The following MSR1 variants were observed in gnomAD, a reference collection of about 807,000 sequenced individuals.
MSR1 encodes macrophage scavenger receptor types I and II.
A neutral mutation model predicts 47.2 loss-of-function variants in MSR1; 53 were observed. The ratio of observed to expected loss-of-function variants is 1.12; its 90% CI spans 0.90 to 1.41. The LOEUF is 1.41. MSR1 is among the 40% of genes most tolerant of loss of function. The pLI is 0.00. For synonymous variants in MSR1, 239 were observed against 185.6 expected, an observed-to-expected ratio of 1.29 and a Z score of -2.34; for missense variants, 786 against 546.9, an observed-to-expected ratio of 1.44 and a Z score of -4.36.
intron 3 of MSR1, among the ~76,000 whole-genome samples, chr8:16,173,358 G>A (rs1801544051): frequency 6.6e-6 from 1 of 152,172 alleles, no homozygotes; most frequent in South Asian, 2.1e-4. Context: ...GCATAAAGGT[G>A]ATGAAATCTA....
At chr8:16,188,371 G>A (rs1802063012) in intron 1 of MSR1, among the ~76,000 whole-genome samples, 3 of 151,904 alleles carry the variant, frequency 2.0e-5, no homozygotes, top group South Asian at 4.2e-4. Flanking sequence ...AATGAAACTC[G>A]AGTCTTTGGA....
intron 2 of MSR1, among the ~76,000 whole-genome samples, chr8:16,175,818 T>C (rs1162370296): frequency 6.6e-6 from 1 of 152,228 alleles, no homozygotes; most frequent in African/African-American, 2.4e-5. Context: ...TTGAATACAG[T>C]GTAAACAATA....
intron 1 of MSR1, among the ~76,000 whole-genome samples, chr8:16,190,113 G>C (rs368844549): frequency 1.6e-4 from 24 of 151,790 alleles, no homozygotes; most frequent in African/African-American, 5.3e-4. Context: ...CATCCAGCTG[G>C]TCTCAAACTC....
intron 3 of MSR1, among the ~76,000 whole-genome samples, chr8:16,173,294 C>T (rs1054949703): frequency 6.6e-6 from 1 of 152,166 alleles, no homozygotes; most frequent in Non-Finnish European, 1.5e-5. Flanking sequence ...CTGCACTCTG[C>T]ACGAGCCTAT....
chr8:16,182,171 A>G (rs1294208808), intron 1 of MSR1, among the ~76,000 whole-genome samples: 2 of 152,196 alleles, frequency 1.3e-5, no homozygotes, highest in African/African-American at 4.8e-5. Context: ...AATGGCAAGT[A>G]TGTGTGTTTC....
intron 5 of MSR1, among the ~76,000 whole-genome samples, chr8:16,163,005 C>A (rs2117166303): frequency 1.3e-5 from 2 of 152,038 alleles, no homozygotes; most frequent in South Asian, 4.1e-4. Context: ...GGAAGAGGAT[C>A]ATCAAAGCAC....
chr8:16,176,619 G>C (rs1162375470), intron 2 of MSR1, among the ~76,000 whole-genome samples: 1 of 152,082 alleles, frequency 6.6e-6, no homozygotes, highest in Non-Finnish European at 1.5e-5. Context: ...CCACCTGCCA[G>C]GTTGATTAAG....
At chr8:16,170,229 G>T (rs1431184863) in intron 3 of MSR1, among the ~76,000 whole-genome samples, 1 of 151,588 alleles carries the variant, frequency 6.6e-6, no homozygotes, top group African/African-American at 2.4e-5. Context: ...GCGCCTGCAG[G>T]CCCATCTACT....
chr8:16,141,216 T>C, intron 8 of MSR1: 1 of 671,698 alleles, frequency 1.5e-6, no homozygotes. Context: ...GTACAAGCTT[T>C]TAGCAGCCAT....
At chr8:16,139,657 G>C (rs974899554) in intron 8 of MSR1, 16 of 969,018 alleles carry the variant, frequency 1.7e-5, no homozygotes, top group Non-Finnish European at 1.9e-5. Flanking sequence ...AAATATTTTT[G>C]TTTGAAATGA....
intron 1 of MSR1, among the ~76,000 whole-genome samples, chr8:16,186,637 CTTT>C (rs5889637): frequency 4.9e-5 from 7 of 143,762 alleles, no homozygotes; most frequent in Admixed American, 1.4e-4. Context: ...CGTGACATTT[CTTT>C]TTTTTTTTTT....
rs1176410983 is a variant in MSR1, at chr8:16,177,802, AGG to A, written c.103+82_103+83del. The A allele has an allele frequency of 2.9e-5, 30 of 1,037,968 alleles. No homozygotes were observed. In the East Asian group the frequency reaches 7.3e-4, roughly 25 times the overall value. 64.3% of individuals were successfully genotyped at this position (1,037,968 alleles called of 1,614,324 possible). On this transcript the variant is annotated intron_variant, in intron 2 of 9. Coordinates refer to ENST00000262101, the MANE Select transcript of MSR1 (RefSeq NM_138715.3). ...TTATTTTAACATCCACTTACATTTAAGGTAAGTCTCAAGACTATAATTTTATA... is the reference window on the plus strand; with the variant it reads ...TTATTTTAACATCCACTTACATTTAATAAGTCTCAAGACTATAATTTTATA...
chr8:16,170,784 C>G (rs565221660), intron 3 of MSR1, among the ~76,000 whole-genome samples: 1 of 152,270 alleles, frequency 6.6e-6, no homozygotes, highest in African/African-American at 2.4e-5. Context: ...TTCCTACACT[C>G]CTCCATTACC....
chr8:16,188,698 T>C (rs1399040347), intron 1 of MSR1, among the ~76,000 whole-genome samples: 4 of 151,820 alleles, frequency 2.6e-5, no homozygotes, highest in African/African-American at 7.3e-5. Context: ...TGTGTGATGC[T>C]CCCCTCCCTG....
At position 16,191,979 on chromosome 8, in the gene MSR1, A is replaced by G. The variant is rs190843828; in HGVS notation, c.-5+619T>C. ...TTTTCATACTACTTAAGGTGCTAGTAATTATCTATAGTACTTTCATACTAC... is the reference window on the plus strand; with the variant it reads ...TTTTCATACTACTTAAGGTGCTAGTGATTATCTATAGTACTTTCATACTAC... On this transcript the variant is annotated intron_variant, in intron 1 of 9. Transcript: ENST00000262101. 3.4e-3 allele frequency among the ~76,000 whole-genome samples: 511 copies of G among 152,296 alleles called. 4 individuals carry two copies. Among genetic ancestry groups the G allele is most frequent in the African/African-American group, 0.011 (471 of 41,568 alleles).
chr8:16,160,918 C>T (rs1801142074), intron 5 of MSR1, among the ~76,000 whole-genome samples: 1 of 151,698 alleles, frequency 6.6e-6, no homozygotes. Context: ...TAGATTTTAT[C>T]CCAAGACTAA....
rs1800083598 is a variant in MSR1, at chr8:16,124,523, T to TA, written c.1034-3918dup. On this transcript the variant is annotated intron_variant, in intron 8 of 9. Coordinates refer to ENST00000262101, the MANE Select transcript of MSR1 (RefSeq NM_138715.3). ...CCTGCACTGCTTTGTCTTTTTACTT[T>TA]ATATATAACTACTCACATTTTCCAA... Among the ~76,000 whole-genome samples the TA allele has an allele frequency of 3.9e-5, 6 of 152,140 alleles. 1 individual carries two copies. In the South Asian group the frequency reaches 1.2e-3, roughly 32 times the overall value.
At chr8:16,120,788 T>A in intron 8 of MSR1, 182 bp from the exon 9 acceptor site, 1 of 756,220 alleles carries the variant, frequency 1.3e-6, no homozygotes, top group Middle Eastern at 3.9e-4. Flanking sequence ...AGAGTTTAAC[T>A]GCAAATATTG....
chr8:16,143,677 G>T, intron 7 of MSR1, 66 bp from the exon 8 acceptor site: 1 of 1,167,010 alleles, frequency 8.6e-7, no homozygotes, highest in Non-Finnish European at 1.3e-6. Flanking sequence ...TTTAACTGGA[G>T]ACAGATCATC....
Sources: gnomAD v4.1 joint callset for allele counts (sites outside exome capture counted in the v4.1 genomes callset) on GRCh38, gnomAD v4.1.1 for gene constraint, MANE v1.5 for transcripts, NCBI Gene and HGNC (gene_info 2026-07-23, HGNC 2026-07-21) for gene names.